Variants in FAM227B observed in about 807,000 individuals in gnomAD.
FAM227B encodes the protein family with sequence similarity 227 member B.
A neutral mutation model predicts 73.8 loss-of-function variants in FAM227B; 88 were observed. The ratio of observed to expected loss-of-function variants is 1.19; its 90% CI spans 1.00 to 1.42. FAM227B has a LOEUF of 1.42. FAM227B is among the 40% of genes most tolerant of loss of function. The pLI is 0.00. For missense variants in FAM227B, 632 were observed against 590.9 expected, an observed-to-expected ratio of 1.07 and a Z score of -0.72; for synonymous variants, 210 against 190.5, an observed-to-expected ratio of 1.10 and a Z score of -0.84.
intron 11 of FAM227B, chr15:49,424,717 T>C (rs961712096): frequency 8.4e-6 from 5 of 598,206 alleles, no homozygotes; most frequent in South Asian, 3.2e-5. Context: ...TTTCTCTAAA[T>C]TGAACTATGT....
intron 11 of FAM227B, among the ~76,000 whole-genome samples, chr15:49,377,127 T>G (rs1170083809): frequency 1.3e-5 from 2 of 152,096 alleles, no homozygotes; most frequent in African/African-American, 4.8e-5. Context: ...ATTGAGAACA[T>G]GCAATGTTTG....
At chr15:49,400,867 C>T (rs1370570843) in intron 11 of FAM227B, among the ~76,000 whole-genome samples, 4 of 151,218 alleles carry the variant, frequency 2.6e-5, no homozygotes, top group African/African-American at 7.3e-5. Context: ...GGATTAAAGA[C>T]TTAAACGTTA....
chr15:49,550,029 T>G (rs1598134266), intron 9 of FAM227B, among the ~76,000 whole-genome samples: 1 of 127,898 alleles, frequency 7.8e-6, no homozygotes, highest in African/African-American at 2.8e-5. Context: ...CCCACCTCCC[T>G]CCCGGACGGG....
chr15:49,475,777 C>T (rs1259588476), intron 11 of FAM227B, among the ~76,000 whole-genome samples: 1 of 152,014 alleles, frequency 6.6e-6, no homozygotes, highest in Non-Finnish European at 1.5e-5. Context: ...CACCTGAGGT[C>T]AGGAGTTTGA....
At chr15:49,528,297 T>C (rs1227461102) in intron 10 of FAM227B, among the ~76,000 whole-genome samples, 3 of 151,904 alleles carry the variant, frequency 2.0e-5, no homozygotes, top group Non-Finnish European at 2.9e-5. Flanking sequence ...GATAGCCATA[T>C]GCAGAAAACG....
intron 11 of FAM227B, among the ~76,000 whole-genome samples, chr15:49,381,470 G>A (rs2046529553): frequency 1.3e-5 from 2 of 152,136 alleles, no homozygotes; most frequent in Non-Finnish European, 2.9e-5. Flanking sequence ...TAAGAAACAT[G>A]GTTCCTTGGT....
At chr15:49,586,158 C>T (rs1366874833) in intron 5 of FAM227B, among the ~76,000 whole-genome samples, 1 of 152,090 alleles carries the variant, frequency 6.6e-6, no homozygotes, top group African/African-American at 2.4e-5. Flanking sequence ...GCTACAGCCA[C>T]CCAAACAGCA....
chr15:49,460,891 G>T (rs988565376), intron 11 of FAM227B, among the ~76,000 whole-genome samples: 2 of 152,094 alleles, frequency 1.3e-5, no homozygotes, highest in Non-Finnish European at 2.9e-5. Flanking sequence ...GAATGCATTT[G>T]GTTTGTTTTT....
At chr15:49,459,613 G>A (rs1019851373) in intron 11 of FAM227B, among the ~76,000 whole-genome samples, 1 of 151,888 alleles carries the variant, frequency 6.6e-6, no homozygotes, top group African/African-American at 2.4e-5. Flanking sequence ...TTGCTTTTAT[G>A]TAAATTTATA....
chr15:49,392,350 G>A (rs1002336526), intron 11 of FAM227B, among the ~76,000 whole-genome samples: 1 of 152,080 alleles, frequency 6.6e-6, no homozygotes. Context: ...AATAATTGGT[G>A]CCACTATACT....
chr15:49,393,365 C>G (rs972053382), intron 11 of FAM227B, among the ~76,000 whole-genome samples: 7 of 152,234 alleles, frequency 4.6e-5, no homozygotes, highest in Non-Finnish European at 1.5e-5. Flanking sequence ...GTCTTAATGA[C>G]GTAGTGTCAG....
intron 1 of FAM227B, 42 bp from the exon 2 acceptor site, chr15:49,615,285 A>G: frequency 1.2e-6 from 1 of 862,966 alleles, no homozygotes; most frequent in Non-Finnish European, 2.0e-6. Context: ...TAAATGACTC[A>G]GCCAAACAAT....
chr15:49,532,363 C>A (rs1356788967), intron 10 of FAM227B, among the ~76,000 whole-genome samples: 1 of 151,612 alleles, frequency 6.6e-6, no homozygotes, highest in Non-Finnish European at 1.5e-5. Flanking sequence ...TCTTTTATTA[C>A]TAAGCAATAA....
intron 11 of FAM227B, among the ~76,000 whole-genome samples, chr15:49,400,712 C>G (rs1330874723): frequency 6.7e-6 from 1 of 150,284 alleles, no homozygotes; most frequent in Non-Finnish European, 1.5e-5. Flanking sequence ...CTACAACCAT[C>G]TGATCTTTGA....
At chr15:49,548,222 T>C (rs2072238274) in intron 9 of FAM227B, among the ~76,000 whole-genome samples, 1 of 152,214 alleles carries the variant, frequency 6.6e-6, no homozygotes, top group Admixed American at 6.5e-5. Flanking sequence ...TAATTTTTAT[T>C]ATGAAGGGAT....
intron 11 of FAM227B, among the ~76,000 whole-genome samples, chr15:49,465,304 CTTTTTT>C (rs67362920): frequency 1.4e-5 from 2 of 140,604 alleles, no homozygotes; most frequent in Non-Finnish European, 3.1e-5. Context: ...TTTTCTTTTT[CTTTTTT>C]TTTTTTTTGG....
chr15:49,386,958 C>A (rs2046921178), intron 11 of FAM227B, among the ~76,000 whole-genome samples: 1 of 151,442 alleles, frequency 6.6e-6, no homozygotes, highest in Non-Finnish European at 1.5e-5. Flanking sequence ...GGAATAGAAA[C>A]CTTGAAAAGA....
intron 12 of FAM227B, among the ~76,000 whole-genome samples, chr15:49,368,633 G>A (rs1311008778): frequency 6.6e-6 from 1 of 152,074 alleles, no homozygotes; most frequent in East Asian, 1.9e-4. Flanking sequence ...TTCACATTGG[G>A]TTACGTATAG....
chr15:49,400,956 C>G (rs1485417418), intron 11 of FAM227B, among the ~76,000 whole-genome samples: 1 of 145,378 alleles, frequency 6.9e-6, no homozygotes. Flanking sequence ...GACTTCATGT[C>G]TAAACACCAA....
Sources: gnomAD v4.1 joint callset for allele counts (sites outside exome capture counted in the v4.1 genomes callset) on GRCh38, gnomAD v4.1.1 for gene constraint, MANE v1.5 for transcripts, NCBI Gene and HGNC (gene_info 2026-07-23, HGNC 2026-07-21) for gene names.